Variants in AVEN observed in about 807,000 individuals in gnomAD.
AVEN encodes cell death regulator Aven.
In AVEN, 41 loss-of-function variants were observed where a neutral mutation model predicts 38.1. The observed-to-expected ratio is 1.08, with a 90% confidence interval of 0.84 to 1.40. The LOEUF (loss-of-function observed/expected upper bound fraction) is 1.40. Among genes scored for constraint, AVEN ranks in the 40% most tolerant of loss-of-function variants. The pLI, the probability that AVEN is intolerant of heterozygous loss-of-function variation, is 0.00. For synonymous variants in AVEN, 206 were observed against 171.8 expected (o/e 1.20, Z -1.56); for missense variants, 605 against 438.8 (o/e 1.38, Z -3.38).
chr15:33,930,917 T>C (rs1893816204), intron 2 of AVEN, among the ~76,000 whole-genome samples: 1 of 146,080 alleles, frequency 6.8e-6, no homozygotes, highest in Non-Finnish European at 1.5e-5. Context: ...ATCACACCAC[T>C]GTACTTCAGC....
chr15:33,957,928 T>A (rs1283588301), intron 2 of AVEN, among the ~76,000 whole-genome samples: 1 of 152,120 alleles, frequency 6.6e-6, no homozygotes, highest in Non-Finnish European at 1.5e-5. Context: ...CAGTGGCACT[T>A]GGGAATTGTT....
intron 1 of AVEN, among the ~76,000 whole-genome samples, chr15:34,016,397 T>C (rs1337155962): frequency 6.6e-6 from 1 of 152,206 alleles, no homozygotes; most frequent in African/African-American, 2.4e-5. Flanking sequence ...TGGGCTCGCA[T>C]GGGTACTGAC....
chr15:34,009,913 G>A (rs1037612812), intron 1 of AVEN, among the ~76,000 whole-genome samples: 4 of 152,138 alleles, frequency 2.6e-5, no homozygotes, highest in Non-Finnish European at 5.9e-5. Context: ...AGTGAGCTAT[G>A]ATCATGACAC....
rs534543276 is a variant in AVEN, at chr15:34,055,352, A to G, written n.1637+7570T>C. Among the ~76,000 whole-genome samples the G allele has an allele frequency of 1.9e-4, 29 of 151,720 alleles. 1 individual carries two copies. The South Asian group carries it at 3.3e-3, about 17-fold the overall frequency. ...ATCTCTACTAAAAATACAAAAAATT[A>G]TAATTATCTGTGTGTGGTGGTGTGC... On this transcript the variant is annotated intron_variant and non_coding_transcript_variant, in intron 5 of 11. Coordinates refer to the AVEN transcript ENST00000675287.
intron 2 of AVEN, among the ~76,000 whole-genome samples, chr15:33,958,397 T>C (rs930919366): frequency 5.3e-5 from 8 of 151,956 alleles, no homozygotes; most frequent in South Asian, 2.1e-4. Context: ...CTGGCCAACA[T>C]GGCGAAACCC....
intron 2 of AVEN, among the ~76,000 whole-genome samples, chr15:33,918,525 G>A (rs1893254661): frequency 7.4e-6 from 1 of 135,942 alleles, no homozygotes; most frequent in Non-Finnish European, 1.5e-5. Context: ...GAAGTGCAGT[G>A]GCGTGATCTC....
rs1485189821 is a variant in AVEN, at chr15:34,013,219, G to A, written c.268-10010C>T. On this transcript the variant is annotated intron_variant, in intron 1 of 5. Transcript: ENST00000306730. The stretch of plus-strand genomic sequence containing the variant: ...TGGGATTACAGGCGCGCGCCACCAC[G>A]CCCAGCTAATATTTGTATTTTTAGC... Among the ~76,000 whole-genome samples the A allele has an allele frequency of 2.6e-5, 4 of 152,108 alleles. No homozygotes were observed. The South Asian group carries it at 6.2e-4, about 24-fold the overall frequency.
At chr15:33,972,935 C>T (rs1895704144) in intron 2 of AVEN, among the ~76,000 whole-genome samples, 1 of 152,194 alleles carries the variant, frequency 6.6e-6, no homozygotes, top group Admixed American at 6.5e-5. Context: ...GCTGAAGTCT[C>T]ATTATCTACA....
intron 2 of AVEN, among the ~76,000 whole-genome samples, chr15:33,961,706 G>A (rs545007352): frequency 8.7e-4 from 130 of 150,064 alleles, no homozygotes; most frequent in African/African-American, 2.4e-3. Flanking sequence ...CCAGCTACTC[G>A]GGAGGCTGAG....
intron 1 of AVEN, among the ~76,000 whole-genome samples, chr15:34,008,793 A>G (rs2140654189): frequency 6.6e-6 from 1 of 152,258 alleles, no homozygotes; most frequent in South Asian, 2.1e-4. Flanking sequence ...TAGCCGATGA[A>G]AAACCTTTAT....
chr15:33,872,915 C>T (rs922785485), intron 3 of AVEN, among the ~76,000 whole-genome samples: 3 of 151,842 alleles, frequency 2.0e-5, no homozygotes, highest in African/African-American at 7.3e-5. Flanking sequence ...AGCACCCTGA[C>T]CGCCGACCTG....
intron 2 of AVEN, among the ~76,000 whole-genome samples, chr15:33,914,321 G>A (rs1007567196): frequency 3.9e-5 from 6 of 152,164 alleles, no homozygotes; most frequent in African/African-American, 1.4e-4. Context: ...TTAAAACAGT[G>A]TGTAGCACGT....
rs757494978 is a variant in AVEN, at chr15:33,867,751, C to T, written c.717G>A (p.Gly239=). The change falls in exon 5 of 6, where the codon GGG becomes GGA. Residue 239 remains glycine (G), a synonymous_variant. Coordinates refer to ENST00000306730, the MANE Select transcript of AVEN (RefSeq NM_020371.3). ...LKGPLGPGGR[G]PIFELKSVAA... Reference sequence around the variant, plus strand: ...CCACAGATTTCAGCTCAAAGATGGGCCCCCTTCCTCCAGGCCCCAAGGGCC... The same window carrying T: ...CCACAGATTTCAGCTCAAAGATGGGTCCCCTTCCTCCAGGCCCCAAGGGCC... 1.9e-6 allele frequency: 3 copies of T among 1,614,056 alleles called. No homozygotes were observed. Among genetic ancestry groups the T allele is most frequent in the African/African-American group, 1.3e-5 (1 of 74,930 alleles).
In AVEN at chr15:34,008,498, T is replaced by A. The variant is rs1242357247; in HGVS notation, c.268-5289A>T. On this transcript the variant is annotated intron_variant, in intron 1 of 5. Coordinates refer to ENST00000306730, the MANE Select transcript of AVEN (RefSeq NM_020371.3). The stretch of plus-strand genomic sequence containing the variant: ...GATGAAAAACCTTTTTTTTTTTTTT[T>A]TTTTTTTTGAGACAGAGTCTTGCTC... Among the ~76,000 whole-genome samples, 43 of 82,340 alleles carry A rather than the reference T, an allele frequency of 5.2e-4. No homozygotes were observed. In the South Asian group the frequency reaches 0.017, roughly 32 times the overall value. The allele number at this position is 82,340 out of a possible 152,430, so 54.0% of individuals were successfully genotyped here.
At chr15:34,027,821 G>A (rs1383877030) in intron 1 of AVEN, among the ~76,000 whole-genome samples, 2 of 63,920 alleles carry the variant, frequency 3.1e-5, no homozygotes, top group African/African-American at 7.6e-5. Flanking sequence ...GATCAGGTGA[G>A]GCTCAAAAAA....
At chr15:33,912,625 G>C (rs533201239) in intron 2 of AVEN, among the ~76,000 whole-genome samples, 1 of 152,132 alleles carries the variant, frequency 6.6e-6, no homozygotes, top group Non-Finnish European at 1.5e-5. Context: ...CTGAAATGCT[G>C]AGCTGTTCTA....
At chr15:33,939,034 G>T (rs528029936) in intron 2 of AVEN, among the ~76,000 whole-genome samples, 1 of 152,252 alleles carries the variant, frequency 6.6e-6, no homozygotes, top group East Asian at 1.9e-4. Flanking sequence ...GTAGAGACAG[G>T]GTTTCACCAT....
chr15:33,923,449 G>C (rs1032671245), intron 2 of AVEN, among the ~76,000 whole-genome samples: 1 of 152,152 alleles, frequency 6.6e-6, no homozygotes, highest in Non-Finnish European at 1.5e-5. Flanking sequence ...GTGAGAGCCT[G>C]CAGTTACAAA....
chr15:33,894,835 T>A lies in AVEN; in HGVS notation c.446-18840A>T, dbSNP rs200632793. On this transcript the variant is annotated intron_variant, in intron 2 of 5. Coordinates refer to ENST00000306730, the MANE Select transcript of AVEN (RefSeq NM_020371.3). Reference sequence around the variant, plus strand: ...AAAAAAAAAAAAATAATAACAATAATAATAATAATAATAATAATAGAATGC... The same window carrying A: ...AAAAAAAAAAAAATAATAACAATAAAAATAATAATAATAATAATAGAATGC... Among the ~76,000 whole-genome samples the A allele has an allele frequency of 5.8e-3, 222 of 38,578 alleles. 1 individual carries two copies. Among genetic ancestry groups the A allele is most frequent in the East Asian group, 0.05 (56 of 1,122 alleles). The allele number at this position is 38,578 out of a possible 152,430, so 25.3% of individuals were successfully genotyped here.
Sources: gnomAD v4.1 joint callset for allele counts (sites outside exome capture counted in the v4.1 genomes callset) on GRCh38, gnomAD v4.1.1 for gene constraint, MANE v1.5 for transcripts, NCBI Gene and HGNC (gene_info 2026-07-23, HGNC 2026-07-21) for gene names.